Variants in GRIA4 observed in about 807,000 individuals in gnomAD.
The protein encoded by GRIA4 is glutamate ionotropic receptor AMPA type subunit 4.
In GRIA4, 34 loss-of-function variants were observed where a neutral mutation model predicts 104.0. The ratio of observed to expected loss-of-function variants is 0.33; its 90% CI spans 0.25 to 0.44. The LOEUF (loss-of-function observed/expected upper bound fraction) is 0.44. Among genes scored for constraint, GRIA4 ranks in the 20% least tolerant of loss-of-function variants. GRIA4 has a pLI of 1.00. For missense variants in GRIA4, 750 were observed against 1,096.5 expected (o/e 0.68, Z 4.46); for synonymous variants, 386 against 381.9 (o/e 1.01, Z -0.13).
At chr11:105,905,947 G>C (rs1047591323) in intron 9 of GRIA4, among the ~76,000 whole-genome samples, 1 of 152,104 alleles carries the variant, frequency 6.6e-6, no homozygotes, top group Non-Finnish European at 1.5e-5. Context: ...CAACCATACA[G>C]CCCCACCACA....
At chr11:105,871,486 A>T (rs1945613675) in intron 5 of GRIA4, among the ~76,000 whole-genome samples, 1 of 150,188 alleles carries the variant, frequency 6.7e-6, no homozygotes. Flanking sequence ...TGGGATTTTT[A>T]AAATAATATT....
At chr11:105,939,052 ATTTC>A (rs777894733) in intron 14 of GRIA4, among the ~76,000 whole-genome samples, 11 of 152,116 alleles carry the variant, frequency 7.2e-5, no homozygotes, top group Non-Finnish European at 1.5e-4. Flanking sequence ...TTTTTTCTAC[ATTTC>A]TTTAAGACTC....
intron 3 of GRIA4, among the ~76,000 whole-genome samples, chr11:105,676,100 G>C (rs1952527198): frequency 6.6e-6 from 1 of 151,714 alleles, no homozygotes; most frequent in African/African-American, 2.4e-5. Context: ...AAATAAAATA[G>C]AGAATGTTAT....
Position 105,684,893 on chromosome 11 carries a change from G to C in GRIA4, c.248-68088G>C, listed in dbSNP as rs79330338. Among the ~76,000 whole-genome samples, 1,226 of 151,898 alleles carry C rather than the reference G, an allele frequency of 8.1e-3. 16 individuals carry two copies. The highest frequency in any genetic ancestry group is 0.049 in the East Asian group (252 of 5,166). ...CTGCCTTACTAACTTACATTGTAAA[G>C]ATTACTTAACAACATTTGTTTCATG... On this transcript the variant is annotated intron_variant, in intron 3 of 16. Transcript: ENST00000282499.
At chr11:105,679,403 C>A (rs1371667384) in intron 3 of GRIA4, among the ~76,000 whole-genome samples, 2 of 152,074 alleles carry the variant, frequency 1.3e-5, no homozygotes, top group Non-Finnish European at 2.9e-5. Flanking sequence ...TATCTGAGTC[C>A]ACCACATGAA....
At chr11:105,663,250 T>C (rs1361616589) in intron 3 of GRIA4, among the ~76,000 whole-genome samples, 1 of 151,932 alleles carries the variant, frequency 6.6e-6, no homozygotes, top group Non-Finnish European at 1.5e-5. Flanking sequence ...CATTCCTAAT[T>C]TAAAAATTAA....
chr11:105,940,115 A>G (rs1010762741), intron 14 of GRIA4, among the ~76,000 whole-genome samples: 6 of 152,172 alleles, frequency 3.9e-5, no homozygotes, highest in African/African-American at 1.4e-4. Flanking sequence ...TTGTAATCCC[A>G]GCACTTTGGG....
At chr11:105,794,786 C>T (rs1942412982) in intron 4 of GRIA4, among the ~76,000 whole-genome samples, 1 of 151,248 alleles carries the variant, frequency 6.6e-6, no homozygotes, top group African/African-American at 2.4e-5. Flanking sequence ...AAAAAAATTA[C>T]ATCTTAATTA....
intron 3 of GRIA4, 193 bp downstream of exon 3, chr11:105,612,627 AATTT>A (rs1485483567): frequency 1.4e-5 from 7 of 514,852 alleles, no homozygotes; most frequent in Non-Finnish European, 2.4e-5. Context: ...TCTTTTCCTT[AATTT>A]ATTTTTCTTT....
At chr11:105,795,875 T>A (rs1942458626) in intron 4 of GRIA4, among the ~76,000 whole-genome samples, 1 of 152,168 alleles carries the variant, frequency 6.6e-6, no homozygotes, top group African/African-American at 2.4e-5. Context: ...ACAATACATT[T>A]ATGCTTCTTT....
chr11:105,963,810 T>G lies in GRIA4; in HGVS notation c.2295-8104T>G, dbSNP rs140234586. ...TCCTTTATTTTGCTTTTTAGTTTTC[T>G]ATTGTGCTGTGAAACTGTCTTTGGA... On this transcript the variant is annotated intron_variant, in intron 14 of 16. Coordinates refer to ENST00000282499, the MANE Select transcript of GRIA4 (RefSeq NM_000829.4). 5.0e-3 allele frequency among the ~76,000 whole-genome samples: 757 copies of G among 152,274 alleles called. 5 individuals are homozygous for G. Among genetic ancestry groups the G allele is most frequent in the African/African-American group, 0.017 (697 of 41,580 alleles).
At chr11:105,728,265 A>AAAAGAC (rs1281225643) in intron 3 of GRIA4, among the ~76,000 whole-genome samples, 7 of 152,344 alleles carry the variant, frequency 4.6e-5, no homozygotes, top group Admixed American at 2.0e-4. Flanking sequence ...CAAAGATCAA[A>AAAAGAC]AAAGACAAAG....
At position 105,925,271 on chromosome 11, in the gene GRIA4, T is replaced by C. The variant is rs74886825; in HGVS notation, c.1847+502T>C. ...ATACATTGTTTTATATAGCAATGCA[T>C]AAATTAGCTAAGCAATAGGCAAAAA... On this transcript the variant is annotated intron_variant, in intron 12 of 16. Coordinates refer to ENST00000282499, the MANE Select transcript of GRIA4 (RefSeq NM_000829.4). 3.3e-5 allele frequency among the ~76,000 whole-genome samples: 5 copies of C among 152,232 alleles called. No individual in the cohort carries two copies. In the East Asian group the frequency reaches 7.7e-4, roughly 23 times the overall value.
chr11:105,790,286 A>G (rs1942157911), intron 4 of GRIA4, among the ~76,000 whole-genome samples: 1 of 152,206 alleles, frequency 6.6e-6, no homozygotes, highest in South Asian at 2.1e-4. Flanking sequence ...TTACCTTTAT[A>G]GAAGCCAATG....
chr11:105,616,166 G>A (rs1950594723), intron 3 of GRIA4, among the ~76,000 whole-genome samples: 1 of 151,446 alleles, frequency 6.6e-6, no homozygotes, highest in Non-Finnish European at 1.5e-5. Context: ...AGGACTAATT[G>A]ATTAATATTT....
At chr11:105,643,081 T>C (rs1228564449) in intron 3 of GRIA4, among the ~76,000 whole-genome samples, 2 of 152,122 alleles carry the variant, frequency 1.3e-5, no homozygotes, top group South Asian at 2.1e-4. Context: ...GAGAGTAGCA[T>C]GGGGAAACCA....
intron 4 of GRIA4, among the ~76,000 whole-genome samples, chr11:105,775,295 A>G (rs1365676742): frequency 6.6e-6 from 1 of 152,162 alleles, no homozygotes; most frequent in African/African-American, 2.4e-5. Flanking sequence ...CACATAAGAC[A>G]ATATTCACAG....
chr11:105,920,131 T>C (rs1373566080), intron 11 of GRIA4, among the ~76,000 whole-genome samples: 5 of 152,066 alleles, frequency 3.3e-5, no homozygotes, highest in African/African-American at 9.7e-5. Flanking sequence ...AATGAGGAAA[T>C]TGTTAGACAT....
intron 10 of GRIA4, among the ~76,000 whole-genome samples, chr11:105,917,393 A>G (rs1302372878): frequency 2.0e-5 from 3 of 152,212 alleles, no homozygotes; most frequent in Admixed American, 2.0e-4. Context: ...GTTTTATTAA[A>G]TTTTTAAAAG....
Sources: allele counts gnomAD v4.1 joint callset (sites outside exome capture counted in the v4.1 genomes callset), GRCh38; gene constraint gnomAD v4.1.1; transcripts MANE v1.5; gene names NCBI Gene and HGNC (gene_info 2026-07-23, HGNC 2026-07-21).